Variants in SHROOM4 observed in about 807,000 individuals in gnomAD.
SHROOM4 encodes protein Shroom4.
In SHROOM4, 17 loss-of-function variants were observed where a neutral mutation model predicts 80.3. The ratio of observed to expected loss-of-function variants is 0.21; its 90% confidence interval spans 0.14 to 0.32. SHROOM4 has a LOEUF of 0.32. Ranked by LOEUF, SHROOM4 falls within the 10% of genes least tolerant of loss-of-function variation. SHROOM4 has a pLI of 1.00. For synonymous variants in SHROOM4, 400 were observed against 437.5 expected (o/e 0.91, Z 1.07); for missense variants, 993 against 1,140.3 (o/e 0.87, Z 1.86).
At position 50,590,679 on chromosome X, in the gene SHROOM4, C is replaced by G. The variant is rs1296877096; in HGVS notation, c.*6016G>C. Among the ~76,000 whole-genome samples the G allele has an allele frequency of 1.8e-5, 2 of 112,174 alleles. No homozygotes were observed. The highest frequency in any genetic ancestry group is 3.8e-5 in the Non-Finnish European group (2 of 53,229). The stretch of plus-strand genomic sequence containing the variant: ...CTCTCAGATTTCCCAGTCTCCAGGA[C>G]TGTGAGAAATAAATGTTATTTAAGA... On this transcript the variant is annotated 3_prime_UTR_variant, in exon 9 of 9. Coordinates refer to ENST00000376020, the MANE Select transcript of SHROOM4 (RefSeq NM_020717.5).
At chrX:50,796,327 G>A (rs1415599677) in intron 1 of SHROOM4, among the ~76,000 whole-genome samples, 3 of 111,862 alleles carry the variant, frequency 2.7e-5, no homozygotes, top group Non-Finnish European at 5.6e-5. Context: ...AGTTAATTTA[G>A]GATAAAGACT....
intron 1 of SHROOM4, among the ~76,000 whole-genome samples, chrX:50,767,796 TATGGAAAC>T (rs1335650239): frequency 1.8e-5 from 2 of 111,914 alleles, no homozygotes; most frequent in African/African-American, 6.5e-5. Flanking sequence ...AATATTTTCA[TATGGAAAC>T]ATGGAAACAC....
At chrX:50,711,824 A>C (rs1933825565) in intron 1 of SHROOM4, among the ~76,000 whole-genome samples, 1 of 112,288 alleles carries the variant, frequency 8.9e-6, no homozygotes, top group Non-Finnish European at 1.9e-5. Flanking sequence ...CAAGTAAAAA[A>C]TTTGGATTTT....
intron 2 of SHROOM4, among the ~76,000 whole-genome samples, chrX:50,651,777 C>A (rs782714145): frequency 1.8e-5 from 2 of 108,394 alleles, no homozygotes; most frequent in African/African-American, 6.8e-5. Context: ...ATTCCCCTCC[C>A]AGTGTCCATG....
chrX:50,783,211 G>T (rs1405742647), intron 1 of SHROOM4, among the ~76,000 whole-genome samples: 2 of 111,984 alleles, frequency 1.8e-5, no homozygotes, highest in Non-Finnish European at 3.8e-5. Flanking sequence ...GAACTAATAA[G>T]TGAGATTGGT....
intron 1 of SHROOM4, among the ~76,000 whole-genome samples, chrX:50,812,451 A>G (rs1244955933): frequency 1.8e-5 from 2 of 110,004 alleles, no homozygotes; most frequent in African/African-American, 3.3e-5. Context: ...AGTATGGGGG[A>G]AAGGGTGCTG....
intron 2 of SHROOM4, among the ~76,000 whole-genome samples, chrX:50,644,578 C>T (rs1257316263): frequency 8.9e-6 from 1 of 112,252 alleles, no homozygotes; most frequent in East Asian, 2.8e-4. Context: ...CATTAACACT[C>T]CCAATTCCCT....
intron 1 of SHROOM4, among the ~76,000 whole-genome samples, chrX:50,752,841 C>T (rs921292334): frequency 1.9e-4 from 21 of 111,764 alleles, no homozygotes; most frequent in Admixed American, 6.7e-4. Flanking sequence ...AATCTTTTTA[C>T]TTGATTATTC....
At position 50,795,088 on chromosome X, in the gene SHROOM4, GAT is replaced by G. The variant is rs782096933; in HGVS notation, c.117+18812_117+18813del. ...ATATATATATATGATATATATATAT[GAT>G]ATATATATATGATATATATATATGA... On this transcript the variant is annotated intron_variant, in intron 1 of 8. Coordinates refer to ENST00000376020, the MANE Select transcript of SHROOM4 (RefSeq NM_020717.5). 2.6e-3 allele frequency among the ~76,000 whole-genome samples: 73 copies of G among 28,156 alleles called. 10 individuals are homozygous for G. The highest frequency in any genetic ancestry group is 0.013 in the African/African-American group (57 of 4,555). The allele number at this position is 28,156 out of a possible 115,157, so 24.5% of individuals were successfully genotyped here.
intron 6 of SHROOM4, among the ~76,000 whole-genome samples, chrX:50,603,128 T>C (rs1929508113): frequency 9.0e-6 from 1 of 111,270 alleles, no homozygotes; most frequent in South Asian, 3.9e-4. Flanking sequence ...CTGATCATCA[T>C]CCCTTTGGTG....
intron 6 of SHROOM4, among the ~76,000 whole-genome samples, chrX:50,603,454 G>A (rs1419367894): frequency 1.8e-5 from 2 of 111,056 alleles, no homozygotes; most frequent in Admixed American, 1.9e-4. Context: ...CCCTGCCAGG[G>A]ACTTGTCACC....
chrX:50,692,443 A>C (rs1209180995), intron 2 of SHROOM4, among the ~76,000 whole-genome samples: 1 of 112,195 alleles, frequency 8.9e-6, no homozygotes, highest in Non-Finnish European at 1.9e-5. Context: ...AAGGAAACAA[A>C]TGGGAATGAA....
downstream of SHROOM4, among the ~76,000 whole-genome samples, chrX:50,586,370 C>T (rs1928760124): frequency 9.0e-6 from 1 of 111,718 alleles, no homozygotes; most frequent in East Asian, 2.8e-4. Context: ...ATAGAATCAA[C>T]TCAACACCCA....
intron 2 of SHROOM4, among the ~76,000 whole-genome samples, chrX:50,648,915 C>T (rs944805407): frequency 7.2e-5 from 8 of 111,648 alleles, no homozygotes; most frequent in Middle Eastern, 4.7e-3. Flanking sequence ...CAATATGGTA[C>T]GAGCGGTATT....
chrX:50,634,864 T>A lies in SHROOM4; in HGVS notation c.1209A>T (p.Ile403=). ...CACTATGGCGATGCCCTGTGGGTCC[T>A]ATGAGATGTGGAGGTCTGCCAAAAG... is the stretch of plus-strand genomic sequence containing the variant. ...KASFGRPPHL[I]GPTGHRHSAP... is the part of the protein sequence containing the mutation. The change falls in exon 4 of 9, where the codon ATA becomes ATT. Residue 403 remains isoleucine, a synonymous_variant. Transcript: ENST00000376020. 1.7e-6 allele frequency: 2 copies of A among 1,206,851 alleles called. No homozygotes were observed. The highest frequency in any genetic ancestry group is 2.2e-6 in the Non-Finnish European group (2 of 892,741).
chrX:50,722,646 ATCTCTC>A (rs371067544), intron 1 of SHROOM4, among the ~76,000 whole-genome samples: 3 of 105,516 alleles, frequency 2.8e-5, no homozygotes, highest in Middle Eastern at 4.5e-3. Context: ...CCTTCCTTTC[ATCTCTC>A]TCTCTCTCTC....
chrX:50,620,175 T>A (rs1388460234), intron 5 of SHROOM4, among the ~76,000 whole-genome samples: 1 of 112,225 alleles, frequency 8.9e-6, no homozygotes, highest in Non-Finnish European at 1.9e-5. Flanking sequence ...CAACTTGACA[T>A]GTACCTAAAG....
intron 2 of SHROOM4, among the ~76,000 whole-genome samples, chrX:50,676,023 T>C (rs993073038): frequency 8.9e-6 from 1 of 111,984 alleles, no homozygotes; most frequent in African/African-American, 3.2e-5. Flanking sequence ...GATTTATTAC[T>C]GACTGCAGAA....
chrX:50,720,392 G>A (rs1557265335), intron 1 of SHROOM4, among the ~76,000 whole-genome samples: 1 of 111,903 alleles, frequency 8.9e-6, no homozygotes, highest in East Asian at 2.8e-4. Context: ...CATCCACTTG[G>A]TTGTCTGCTC....
Sources: allele counts gnomAD v4.1 joint callset (sites outside exome capture counted in the v4.1 genomes callset), GRCh38; gene constraint gnomAD v4.1.1; transcripts MANE v1.5; gene names NCBI Gene and HGNC (gene_info 2026-07-23, HGNC 2026-07-21).